The following KCNMB2 variants were observed in gnomAD, a reference collection of about 807,000 sequenced individuals.
The protein encoded by KCNMB2 is calcium-activated potassium channel subunit beta-2.
In KCNMB2, 9 loss-of-function variants were observed where a neutral mutation model predicts 24.5. The observed-to-expected ratio is 0.37, with a 90% CI of 0.22 to 0.64. The LOEUF is 0.64. KCNMB2 is among the 30% of genes least tolerant of loss of function. The pLI is 0.63. For missense variants in KCNMB2, 226 were observed against 284.3 expected (o/e 0.79, Z 1.47); for synonymous variants, 109 against 104.4 (o/e 1.04, Z -0.27).
chr3:178,589,422 T>C (rs1468410478), intron 1 of KCNMB2, among the ~76,000 whole-genome samples: 1 of 152,214 alleles, frequency 6.6e-6, no homozygotes, highest in African/African-American at 2.4e-5. Context: ...TCACAGGGAC[T>C]CACACCATGG....
chr3:178,724,246 T>C (rs780278931), intron 1 of KCNMB2, among the ~76,000 whole-genome samples: 9 of 151,636 alleles, frequency 5.9e-5, no homozygotes, highest in Non-Finnish European at 1.2e-4. Context: ...TTTGCATTTC[T>C]CTGACGATTA....
intron 1 of KCNMB2, among the ~76,000 whole-genome samples, chr3:178,624,594 C>CTTTTTTTT (rs770228080): frequency 2.3e-5 from 1 of 44,188 alleles, no homozygotes; most frequent in African/African-American, 1.4e-4. Context: ...TTCTTTTTTT[C>CTTTTTTTT]TTTCTTTTTT....
At chr3:178,720,501 C>CCCAAAATGGTAAT (rs1722764607) in intron 1 of KCNMB2, among the ~76,000 whole-genome samples, 1 of 92,584 alleles carries the variant, frequency 1.1e-5, no homozygotes, top group Non-Finnish European at 2.1e-5. Flanking sequence ...TACCCAGTAA[C>CCCAAAATGGTAAT]GGGATGGCTG....
chr3:178,837,632 T>C (rs554885990), intron 4 of KCNMB2, among the ~76,000 whole-genome samples: 1 of 152,322 alleles, frequency 6.6e-6, no homozygotes, highest in African/African-American at 2.4e-5. Context: ...GAGGACCTTT[T>C]CTCCACTGGT....
intron 1 of KCNMB2, among the ~76,000 whole-genome samples, chr3:178,551,315 G>A (rs1048797108): frequency 4.6e-5 from 7 of 152,164 alleles, no homozygotes; most frequent in African/African-American, 1.7e-4. Flanking sequence ...ACAACTCTGT[G>A]TGGTGAGCAT....
At chr3:178,544,119 T>C (rs975897286) in intron 1 of KCNMB2, among the ~76,000 whole-genome samples, 1 of 152,172 alleles carries the variant, frequency 6.6e-6, no homozygotes, top group Admixed American at 6.5e-5. Flanking sequence ...ATATCTATAG[T>C]ATATTTCTTA....
At chr3:178,537,855 T>C (rs988715051) in intron 1 of KCNMB2, among the ~76,000 whole-genome samples, 54 of 152,216 alleles carry the variant, frequency 3.5e-4, no homozygotes, top group Admixed American at 8.5e-4. Context: ...AAAAACTCTG[T>C]ATTCTGAGGC....
chr3:178,836,194 C>A (rs1715222907), intron 4 of KCNMB2, among the ~76,000 whole-genome samples: 1 of 152,122 alleles, frequency 6.6e-6, no homozygotes, highest in Non-Finnish European at 1.5e-5. Flanking sequence ...GAAGGCATGT[C>A]ACTCTTCGCT....
chr3:178,636,689 T>G (rs952868458), intron 1 of KCNMB2, among the ~76,000 whole-genome samples: 4 of 152,230 alleles, frequency 2.6e-5, no homozygotes, highest in African/African-American at 9.6e-5. Flanking sequence ...GGGACCTCTT[T>G]CCAAGAATCG....
intron 1 of KCNMB2, among the ~76,000 whole-genome samples, chr3:178,771,604 T>A (rs1389279581): frequency 6.8e-6 from 1 of 146,822 alleles, no homozygotes; most frequent in East Asian, 2.1e-4. Flanking sequence ...AATCTTGGCC[T>A]CCCAAAGCAT....
chr3:178,801,299 T>C (rs563083621), intron 1 of KCNMB2, among the ~76,000 whole-genome samples: 1 of 152,218 alleles, frequency 6.6e-6, no homozygotes, highest in African/African-American at 2.4e-5. Flanking sequence ...ATGTACCCCA[T>C]ACTATATGCT....
chr3:178,688,471 C>T (rs541541607), intron 1 of KCNMB2, among the ~76,000 whole-genome samples: 2 of 151,894 alleles, frequency 1.3e-5, no homozygotes, highest in South Asian at 4.2e-4. Context: ...TGGGAAGAGA[C>T]CAAGGAATAG....
At chr3:178,617,160 A>T (rs1718734926) in intron 1 of KCNMB2, among the ~76,000 whole-genome samples, 1 of 152,214 alleles carries the variant, frequency 6.6e-6, no homozygotes, top group Admixed American at 6.5e-5. Context: ...AGAATTAATT[A>T]TTACTAGAAT....
chr3:178,663,576 G>A (rs1406345864), intron 1 of KCNMB2, among the ~76,000 whole-genome samples: 1 of 152,074 alleles, frequency 6.6e-6, no homozygotes, highest in Non-Finnish European at 1.5e-5. Flanking sequence ...GGTAGGCTTA[G>A]CAAAGTACAA....
intron 1 of KCNMB2, among the ~76,000 whole-genome samples, chr3:178,614,638 G>A (rs556905305): frequency 6.6e-6 from 1 of 152,128 alleles, no homozygotes; most frequent in South Asian, 2.1e-4. Context: ...TGGGGACACA[G>A]CCAAACCATA....
intron 1 of KCNMB2, among the ~76,000 whole-genome samples, chr3:178,556,785 C>A (rs183163484): frequency 6.6e-6 from 1 of 152,046 alleles, no homozygotes; most frequent in Non-Finnish European, 1.5e-5. Flanking sequence ...AAAGGAAGAG[C>A]GAATTTTACA....
chr3:178,831,256 A>G (rs9865610), intron 4 of KCNMB2, among the ~76,000 whole-genome samples: 98,171 of 151,970 alleles, frequency 0.65, 33,606 homozygotes, highest in African/African-American at 0.87. Context: ...TTTAAAGTCA[A>G]AAAATAACAG....
chr3:178,627,251 T>A (rs1436300235), intron 1 of KCNMB2, among the ~76,000 whole-genome samples: 1 of 152,218 alleles, frequency 6.6e-6, no homozygotes, highest in Non-Finnish European at 1.5e-5. Flanking sequence ...TATCTGGTAA[T>A]ATTTTTCCTT....
chr3:178,717,274 C>G (rs565263349), intron 1 of KCNMB2, among the ~76,000 whole-genome samples: 1 of 150,212 alleles, frequency 6.7e-6, no homozygotes, highest in East Asian at 1.9e-4. Context: ...TGTTCATGAA[C>G]CATTTACCTT....
Sources: gnomAD v4.1 joint callset for allele counts (sites outside exome capture counted in the v4.1 genomes callset) on GRCh38, gnomAD v4.1.1 for gene constraint, MANE v1.5 for transcripts, NCBI Gene and HGNC (gene_info 2026-07-23, HGNC 2026-07-21) for gene names.